The following SCGB2B2 variants were observed in gnomAD, a reference collection of about 807,000 sequenced individuals.
SCGB2B2 encodes the protein secretoglobin-like protein.
Under a neutral mutation model 7.6 loss-of-function variants are expected in SCGB2B2, and 11 were observed. That is an observed-to-expected ratio of 1.45 (90% CI 0.91 to 2.40). The LOEUF is 2.40. Ranked by LOEUF, SCGB2B2 falls within the 30% of genes most tolerant of loss-of-function variation. The probability of loss-of-function intolerance (pLI) is 0.00; values close to 1 mark genes in which losing one functional copy is unlikely to be tolerated. For synonymous variants in SCGB2B2, 50 were observed against 48.6 expected (o/e 1.03, Z -0.12); for missense variants, 104 against 115.4 (o/e 0.90, Z 0.45).
intron 1 of SCGB2B2, among the ~76,000 whole-genome samples, chr19:34,643,249 G>T (rs1284129932): frequency 6.6e-6 from 1 of 152,142 alleles, no homozygotes; most frequent in East Asian, 1.9e-4. Flanking sequence ...AAAAAAGAGT[G>T]AAATCATGTC....
chr19:34,648,318 C>G (rs1489872655), intron 1 of SCGB2B2, among the ~76,000 whole-genome samples: 1 of 152,168 alleles, frequency 6.6e-6, no homozygotes, highest in Admixed American at 6.5e-5. Context: ...TTCAGACACA[C>G]ATAACATTCA....
intron 3 of SCGB2B2, 52 bp downstream of exon 3, chr19:34,594,123 G>T: frequency 6.9e-7 from 1 of 1,450,218 alleles, no homozygotes; most frequent in Non-Finnish European, 9.6e-7. Flanking sequence ...GGAAGTGCAA[G>T]CCTGGGACGT....
intron 1 of SCGB2B2, among the ~76,000 whole-genome samples, chr19:34,597,317 C>G (rs959461501): frequency 2.0e-5 from 3 of 152,174 alleles, no homozygotes; most frequent in Non-Finnish European, 4.4e-5. Flanking sequence ...ACCTGCATGA[C>G]ATGACCAGAT....
rs1335881296 is a variant in SCGB2B2 at position 34,594,261 on chromosome 19, G to T, written c.160C>A (p.Pro54Thr). The change falls in exon 3 of 4, where the codon CCC becomes ACC. Residue 54 changes from proline (P) to threonine (T), a missense_variant. Coordinates refer to ENST00000601241, the MANE Select transcript of SCGB2B2 (RefSeq NM_001025591.4). ...TTGAGGAAGGACTCCTCTGTCAGGG[G>T]ACTGGGGTTGTAACGAGCAAGCTCC... Reference protein sequence around the residue: ...KEELARYNPSPLTEESFLNVQ... With the variant: ...KEELARYNPSTLTEESFLNVQ... 1.9e-6 allele frequency: 3 copies of T among 1,613,928 alleles called. No homozygotes were observed. The highest frequency in any genetic ancestry group is 2.5e-6 in the Non-Finnish European group (3 of 1,179,810).
At position 34,645,862 on chromosome 19, in the gene SCGB2B2, C is replaced by A. The variant is rs2066996028; in HGVS notation, c.-2032+29768G>T. 1.7e-5 allele frequency: 4 copies of A among 234,380 alleles called. No homozygotes were observed. In the South Asian group the frequency reaches 2.0e-4, roughly 12 times the overall value. 14.5% of individuals were successfully genotyped at this position (234,380 alleles called of 1,614,324 possible). A position where few individuals can be genotyped will look rare whatever the true frequency, so the allele number is the denominator to read the frequency against. The stretch of plus-strand genomic sequence containing the variant: ...AGTGAATTCTGACCTCTGCTGCTTT[C>A]TTATCTTGCCTCATCCACCACAGGG... On this transcript the variant is annotated intron_variant, in intron 1 of 3. Transcript: ENST00000601241.
chr19:34,630,641 T>C (rs2066503821), intron 1 of SCGB2B2, among the ~76,000 whole-genome samples: 2 of 150,630 alleles, frequency 1.3e-5, no homozygotes, highest in African/African-American at 4.8e-5. Context: ...TGTGGAGAAA[T>C]AGGAACACTT....
At chr19:34,618,826 C>A (rs1480892947) in intron 1 of SCGB2B2, among the ~76,000 whole-genome samples, 2 of 152,194 alleles carry the variant, frequency 1.3e-5, no homozygotes, top group Non-Finnish European at 2.9e-5. Flanking sequence ...GATTGCAGAT[C>A]TCAGGATGAG....
chr19:34,625,465 A>C (rs1029202366), intron 1 of SCGB2B2, among the ~76,000 whole-genome samples: 1 of 152,194 alleles, frequency 6.6e-6, no homozygotes. Context: ...GCACACCAGG[A>C]GATTATATCC....
At chr19:34,639,681 G>C (rs539633649) in intron 1 of SCGB2B2, among the ~76,000 whole-genome samples, 24 of 152,222 alleles carry the variant, frequency 1.6e-4, no homozygotes, top group African/African-American at 5.5e-4. Context: ...AACACCACCA[G>C]GAGGCGCTCT....
intron 1 of SCGB2B2, among the ~76,000 whole-genome samples, chr19:34,603,817 G>C (rs1243978955): frequency 1.9e-5 from 1 of 51,944 alleles, no homozygotes; most frequent in Non-Finnish European, 5.2e-5. Flanking sequence ...TTTTTTAACA[G>C]ATAACGTCTC....
At chr19:34,619,425 A>G (rs993296484) in intron 1 of SCGB2B2, among the ~76,000 whole-genome samples, 8 of 150,804 alleles carry the variant, frequency 5.3e-5, no homozygotes, top group East Asian at 1.9e-4. Flanking sequence ...AATTTTTTTT[A>G]CTAAAGGCAA....
At chr19:34,614,202 C>T (rs1340314445) in intron 1 of SCGB2B2, among the ~76,000 whole-genome samples, 2 of 152,096 alleles carry the variant, frequency 1.3e-5, no homozygotes, top group African/African-American at 2.4e-5. Flanking sequence ...GTTTTCTATG[C>T]CTTTTCTCTT....
At chr19:34,669,488 G>A (rs747379529) in intron 1 of SCGB2B2, among the ~76,000 whole-genome samples, 2 of 152,170 alleles carry the variant, frequency 1.3e-5, no homozygotes, top group African/African-American at 2.4e-5. Context: ...AAGACACACC[G>A]TTATGCCTCA....
chr19:34,590,290 A>G (rs1052983097), downstream of SCGB2B2, among the ~76,000 whole-genome samples: 2 of 152,022 alleles, frequency 1.3e-5, no homozygotes, highest in Non-Finnish European at 2.9e-5. Flanking sequence ...TCGTGACCTG[A>G]CCTCTCTCAA....
At chr19:34,619,237 C>G (rs1340296624) in intron 1 of SCGB2B2, among the ~76,000 whole-genome samples, 2 of 152,152 alleles carry the variant, frequency 1.3e-5, no homozygotes, top group African/African-American at 4.8e-5. Context: ...GACAGAATTT[C>G]ATCAATAAAG....
At chr19:34,586,263 C>A (rs1467898893), downstream of SCGB2B2, among the ~76,000 whole-genome samples, 1 of 152,092 alleles carries the variant, frequency 6.6e-6, no homozygotes, top group East Asian at 1.9e-4. Context: ...GTTTTAATAT[C>A]TTTTAATAAA....
chr19:34,654,439 AC>A (rs2067234752), intron 1 of SCGB2B2, among the ~76,000 whole-genome samples: 1 of 151,306 alleles, frequency 6.6e-6, no homozygotes, highest in Admixed American at 6.5e-5. Flanking sequence ...AGATAAACAT[AC>A]TTGTTACAGG....
chr19:34,588,728 G>A (rs752337862), downstream of SCGB2B2, among the ~76,000 whole-genome samples: 4 of 152,130 alleles, frequency 2.6e-5, no homozygotes, highest in South Asian at 2.1e-4. Flanking sequence ...GTGAAGTCAC[G>A]CAGAGCCCAT....
chr19:34,595,826 G>C lies in SCGB2B2; in HGVS notation c.-1263C>G, dbSNP rs2065435359. 1.3e-5 allele frequency: 2 copies of C among 152,370 alleles called. No individual in the cohort carries two copies. Among genetic ancestry groups the C allele is most frequent in the Admixed American group, 6.5e-5 (1 of 15,290 alleles). The allele number at this position is 152,370 out of a possible 1,614,324, so 9.4% of individuals were successfully genotyped here. A position where few individuals can be genotyped will look rare whatever the true frequency, so the allele number is the denominator to read the frequency against. The stretch of plus-strand genomic sequence containing the variant: ...AGAATCAGCAGGTGGGGACAGCTGG[G>C]GGTGGGGAAGGCAGCAGGGATGCTG... On this transcript the variant is annotated 5_prime_UTR_variant, in exon 2 of 4. Transcript: ENST00000601241.
Sources: allele counts gnomAD v4.1 joint callset (sites outside exome capture counted in the v4.1 genomes callset), GRCh38; gene constraint gnomAD v4.1.1; transcripts MANE v1.5; gene names NCBI Gene and HGNC (gene_info 2026-07-23, HGNC 2026-07-21).